KANK1: variants seen among roughly 807,000 people sequenced by gnomAD.
The protein encoded by KANK1 is KN motif and ankyrin repeat domains 1.
A neutral mutation model predicts 106.2 loss-of-function variants in KANK1; 109 were observed. The ratio of observed to expected loss-of-function variants is 1.03; its 90% CI spans 0.88 to 1.20. The LOEUF is 1.20. Ranked by LOEUF, KANK1 falls within the 50% of genes most tolerant of loss-of-function variation. The pLI is 0.00. For synonymous variants in KANK1, 873 were observed against 652.2 expected (o/e 1.34, Z -5.16); for missense variants, 2,399 against 1,710.7 (o/e 1.40, Z -7.10).
chr9:663,068 C>G (rs1005640361), intron 1 of KANK1, among the ~76,000 whole-genome samples: 6 of 152,176 alleles, frequency 3.9e-5, no homozygotes, highest in Non-Finnish European at 5.9e-5. Context: ...ACGAGCTTGT[C>G]ATTAACAATA....
intron 1 of KANK1, among the ~76,000 whole-genome samples, chr9:627,420 A>G (rs62530062): frequency 0.22 from 32,775 of 151,924 alleles, 3,944 homozygotes; most frequent in African/African-American, 0.31. Flanking sequence ...CTCCCACTGG[A>G]AGCATTGTGC....
At chr9:645,796 G>C (rs1016996479) in intron 1 of KANK1, among the ~76,000 whole-genome samples, 7 of 150,734 alleles carry the variant, frequency 4.6e-5, no homozygotes, top group African/African-American at 1.5e-4. Flanking sequence ...TCGTGCCACT[G>C]CACTTCAGCT....
intron 1 of KANK1, among the ~76,000 whole-genome samples, chr9:557,486 A>G (rs2061667983): frequency 6.6e-6 from 1 of 152,224 alleles, no homozygotes; most frequent in African/African-American, 2.4e-5. Context: ...AGATGTTTCT[A>G]AATGAACTTT....
Position 530,857 on chromosome 9 carries a change from G to A in KANK1, c.-84+26103G>A, listed in dbSNP as rs560041872. ...TACAAAATTAGCCAGACGTGGTGGG[G>A]CATGCCTGTAGTTCCAGCTACTTGG... On this transcript the variant is annotated intron_variant, in intron 1 of 11. Transcript: ENST00000382297. Among the ~76,000 whole-genome samples the A allele has an allele frequency of 5.8e-4, 89 of 152,228 alleles. No individual in the cohort carries two copies. The Middle Eastern group carries it at 0.014, about 23-fold the overall frequency.
chr9:666,851 G>T (rs756837418), intron 1 of KANK1, among the ~76,000 whole-genome samples: 407 of 129,914 alleles, frequency 3.1e-3, no homozygotes, highest in Non-Finnish European at 5.1e-3. Flanking sequence ...AATATTTTTT[G>T]TTGAGGATTT....
intron 1 of KANK1, among the ~76,000 whole-genome samples, chr9:523,920 C>A (rs1186360268): frequency 6.6e-6 from 1 of 151,332 alleles, no homozygotes; most frequent in African/African-American, 2.4e-5. Context: ...CGGGCTTTTC[C>A]AGGGCAGGAA....
chr9:704,790 G>T (rs552774824), intron 2 of KANK1, among the ~76,000 whole-genome samples: 2 of 151,964 alleles, frequency 1.3e-5, no homozygotes, highest in Non-Finnish European at 2.9e-5. Context: ...AGACCAGCCT[G>T]AGCAAAATAG....
intron 1 of KANK1, among the ~76,000 whole-genome samples, chr9:624,753 C>G (rs1313205603): frequency 2.0e-5 from 3 of 152,112 alleles, no homozygotes; most frequent in African/African-American, 7.2e-5. Flanking sequence ...GAGCTAAGAT[C>G]ACGCCACTGT....
At chr9:514,685 C>T (rs896396461) in intron 1 of KANK1, among the ~76,000 whole-genome samples, 7 of 151,666 alleles carry the variant, frequency 4.6e-5, no homozygotes, top group African/African-American at 1.5e-4. Flanking sequence ...TACTGCTGTT[C>T]ATCCTGTTGT....
At chr9:575,881 G>C (rs545865263) in intron 1 of KANK1, among the ~76,000 whole-genome samples, 1 of 152,136 alleles carries the variant, frequency 6.6e-6, no homozygotes, top group African/African-American at 2.4e-5. Flanking sequence ...AAATTAGTCA[G>C]ATGTAGTGGT....
At position 730,054 on chromosome 9, in the gene KANK1, A is replaced by G. The variant is rs12352313; in HGVS notation, c.2702A>G (p.Asn901Ser). 0.029 allele frequency: 47,119 copies of G among 1,613,568 alleles called. 6,461 individuals carry two copies. The African/African-American group carries it at 0.36, about 12-fold the overall frequency. Residue 901 changes from asparagine (N) to serine (S), a missense_variant, in exon 4 of 12, where the codon AAT becomes AGT. Asn to Ser is a conservative substitution (Grantham distance 46). Transcript: ENST00000382297. ...GTACCTTTCTTTTTCCTGATAGGCA[A>G]TTATTTGGGATATACCTGTAAGTGT... ...QKTSLGKITG[N>S]YLGYTCKCGG...
intron 1 of KANK1, among the ~76,000 whole-genome samples, chr9:515,374 T>C (rs539417917): frequency 1.6e-4 from 25 of 151,578 alleles, no homozygotes; most frequent in African/African-American, 5.9e-4. Flanking sequence ...AAAAGCCAGT[T>C]AAAGAATTCA....
chr9:640,336 G>A (rs546666061), intron 1 of KANK1, among the ~76,000 whole-genome samples: 1 of 151,906 alleles, frequency 6.6e-6, no homozygotes, highest in Non-Finnish European at 1.5e-5. Flanking sequence ...CCTGGGTTCA[G>A]GCGATTCTCC....
chr9:506,667 G>A (rs1012365953), intron 1 of KANK1, among the ~76,000 whole-genome samples: 7 of 152,146 alleles, frequency 4.6e-5, no homozygotes, highest in African/African-American at 1.2e-4. Flanking sequence ...CAGGCAAATG[G>A]CCACTGGAAT....
intron 11 of KANK1, 104 bp downstream of exon 11, chr9:744,693 G>T (rs1022682707): frequency 6.3e-7 from 1 of 1,597,912 alleles, no homozygotes; most frequent in African/African-American, 1.3e-5. Flanking sequence ...TGTTGATTCA[G>T]AAAATGGAAG....
At chr9:719,615 A>T (rs1828770894) in intron 3 of KANK1, among the ~76,000 whole-genome samples, 1 of 152,222 alleles carries the variant, frequency 6.6e-6, no homozygotes, top group African/African-American at 2.4e-5. Context: ...TTTTAAATTG[A>T]TTTTCTAACA....
intron 8 of KANK1, among the ~76,000 whole-genome samples, chr9:739,473 G>A (rs991039084): frequency 6.6e-6 from 1 of 152,168 alleles, no homozygotes; most frequent in Non-Finnish European, 1.5e-5. Context: ...TCTTATAAGT[G>A]TGTTTGTTCC....
At chr9:696,525 C>T (rs952820405) in intron 2 of KANK1, among the ~76,000 whole-genome samples, 6 of 152,028 alleles carry the variant, frequency 3.9e-5, no homozygotes, top group Non-Finnish European at 7.4e-5. Flanking sequence ...CTGATTTTGA[C>T]AGATGGGAGA....
rs912175 is a variant in KANK1 at position 712,137 on chromosome 9, G to C, written c.1371G>C (p.Leu457=). The C allele has an allele frequency of 0.22, 349,881 of 1,613,882 alleles. 39,929 individuals carry two copies. The highest frequency in any genetic ancestry group is 0.36 in the Admixed American group (21,395 of 59,990). The change falls in exon 3 of 12, where the codon CTG becomes CTC. Residue 457 remains leucine (L), a synonymous_variant. Coordinates refer to ENST00000382297, the MANE Select transcript of KANK1 (RefSeq NM_015158.5). ...VMTEADKEIE[L]QQQTIESLKE... ...CTGAAGCTGACAAAGAAATTGAGCT[G>C]CAACAGCAGACCATAGAATCCTTGA...
Sources: allele counts gnomAD v4.1 joint callset (sites outside exome capture counted in the v4.1 genomes callset), GRCh38; gene constraint gnomAD v4.1.1; transcripts MANE v1.5; gene names NCBI Gene and HGNC (gene_info 2026-07-23, HGNC 2026-07-21).